ANKRD53: variants seen among roughly 807,000 people sequenced by gnomAD.
ANKRD53 encodes ankyrin repeat domain-containing protein 53.
ANKRD53 carries 27 observed loss-of-function variants against 30.1 expected under a neutral mutation model. The ratio of observed to expected loss-of-function variants is 0.90; its 90% CI spans 0.66 to 1.24. The LOEUF (loss-of-function observed/expected upper bound fraction) is 1.24, where lower values mean the gene tolerates loss of function less well. Ranked by LOEUF, ANKRD53 falls within the 50% of genes most tolerant of loss-of-function variation. The pLI is 0.00. For missense variants in ANKRD53, 682 were observed against 721.0 expected (o/e 0.95, Z 0.62); for synonymous variants, 286 against 295.4 (o/e 0.97, Z 0.33).
intron 5 of ANKRD53, among the ~76,000 whole-genome samples, chr2:70,983,028 C>T (rs1553423959): frequency 6.6e-6 from 1 of 152,222 alleles, no homozygotes; most frequent in Non-Finnish European, 1.5e-5. Flanking sequence ...GGGGCTCACA[C>T]TCTGGTTAAA....
At chr2:70,979,413 G>A (rs1669932539) in intron 2 of ANKRD53, 70 bp downstream of exon 2, 3 of 1,596,870 alleles carry the variant, frequency 1.9e-6, no homozygotes, top group Non-Finnish European at 2.6e-6. Context: ...TGGTCACCTG[G>A]AGAAGAGATA....
At position 70,979,160 on chromosome 2, in the gene ANKRD53, C is replaced by T. The variant is rs1669920520; in HGVS notation, c.234C>T (p.Arg78=). 2 of 1,611,142 alleles carry T rather than the reference C, an allele frequency of 1.2e-6. No individual in the cohort carries two copies. Among genetic ancestry groups the T allele is most frequent in the African/African-American group, 1.3e-5 (1 of 75,032 alleles). ...SAQATALARP[R]RPASLTPPRA... is the part of the protein sequence containing the mutation. ...AGGCGACTGCCCTCGCCAGGCCGCGCCGCCCTGCCTCGCTCACCCCGCCCC... is the reference window on the plus strand; with the variant it reads ...AGGCGACTGCCCTCGCCAGGCCGCGTCGCCCTGCCTCGCTCACCCCGCCCC... Residue 78 remains arginine, a synonymous_variant, in exon 2 of 6, where the codon CGC becomes CGT. Coordinates refer to ENST00000360589, the MANE Select transcript of ANKRD53 (RefSeq NM_001115116.2).
chr2:70,980,862 C>G (rs10183317), intron 3 of ANKRD53, among the ~76,000 whole-genome samples: 1 of 151,146 alleles, frequency 6.6e-6, no homozygotes, highest in African/African-American at 2.4e-5. Context: ...AGGAGAATGG[C>G]GTGAACCTGG....
At chr2:70,983,545 G>A (rs1670074658) in intron 5 of ANKRD53, among the ~76,000 whole-genome samples, 1 of 152,138 alleles carries the variant, frequency 6.6e-6, no homozygotes, top group Non-Finnish European at 1.5e-5. Context: ...AGGGCTTTGG[G>A]GCTGCTGACT....
At position 70,981,319 on chromosome 2, in the gene ANKRD53, C is replaced by G. The variant is rs114457165; in HGVS notation, c.618-617C>G. Among the ~76,000 whole-genome samples the G allele has an allele frequency of 6.7e-3, 1,021 of 152,006 alleles. 11 individuals are homozygous for G. The highest frequency in any genetic ancestry group is 0.027 in the Middle Eastern group (8 of 294). On this transcript the variant is annotated intron_variant, in intron 3 of 5. Transcript: ENST00000360589. ...TAGCAAACAAATAAATGAACAAAATCCTGACAGAGCATGGGAAGTGGTTAT... is the reference window on the plus strand; with the variant it reads ...TAGCAAACAAATAAATGAACAAAATGCTGACAGAGCATGGGAAGTGGTTAT...
chr2:70,981,607 G>A (rs900563046), intron 3 of ANKRD53, among the ~76,000 whole-genome samples: 5 of 152,194 alleles, frequency 3.3e-5, no homozygotes, highest in South Asian at 2.1e-4. Context: ...GTGGGCATAC[G>A]GAATCTGGTG....
Position 70,984,978 on chromosome 2 carries a change from T to C in ANKRD53, c.1271T>C (p.Leu424Pro), listed in dbSNP as rs1553424499. 2.6e-6 allele frequency: 4 copies of C among 1,549,998 alleles called. No individual in the cohort carries two copies. In the South Asian group the frequency reaches 4.8e-5, roughly 18 times the overall value. The change falls in exon 6 of 6, where the codon CTG (leucine) becomes CCG (proline). Residue 424 changes from leucine to proline, a missense_variant. By Grantham distance (98) the Leu-to-Pro change is moderately conservative. Transcript: ENST00000360589. ...CCGGAGCACGACTTCAGCAGCTTCCTGGAGGTGAGGCCTGATGGGCACGGC... is the reference window on the plus strand; with the variant it reads ...CCGGAGCACGACTTCAGCAGCTTCCCGGAGGTGAGGCCTGATGGGCACGGC... The part of the protein sequence containing the change: ...PTPEHDFSSF[L>P]EVRPDGHGGA...
chr2:70,983,751 G>A (rs1670081710), intron 5 of ANKRD53, among the ~76,000 whole-genome samples: 2 of 152,214 alleles, frequency 1.3e-5, no homozygotes, highest in South Asian at 4.1e-4. Context: ...TCGATCAAGT[G>A]TCCATTCTCG....
intron 5 of ANKRD53, chr2:70,983,975 A>C: frequency 1.5e-6 from 1 of 687,416 alleles, no homozygotes; most frequent in Non-Finnish European, 2.5e-6. Flanking sequence ...GGCTCCGTGG[A>C]GGCAAGGACA....
At position 70,979,732 on chromosome 2, in the gene ANKRD53, C is replaced by T. The variant is rs782478600; in HGVS notation, c.489C>T (p.Tyr163=). 1 of 1,614,236 alleles carries T rather than the reference C, an allele frequency of 6.2e-7. No homozygotes were observed. The highest frequency in any genetic ancestry group is 1.6e-4 in the Middle Eastern group (1 of 6,062). ...LACLQVLVEE[Y]KFPVDLLTNN... ...GCCTGCAGGTCCTGGTAGAGGAGTA[C>T]AAGTTTCCCGTGGACCTGCTGACCA... The change falls in exon 3 of 6, where the codon TAC becomes TAT. Residue 163 remains tyrosine (Y), a synonymous_variant. Coordinates refer to ENST00000360589, the MANE Select transcript of ANKRD53 (RefSeq NM_001115116.2).
intron 5 of ANKRD53, chr2:70,984,353 C>T (rs1291556004): frequency 6.3e-7 from 1 of 1,596,768 alleles, no homozygotes; most frequent in Admixed American, 1.8e-5. Flanking sequence ...TTGGAGATCC[C>T]CCCTTTGGGA....
At chr2:70,984,590 T>G in intron 5 of ANKRD53, 21 bp from the exon 6 acceptor site, 1 of 1,611,804 alleles carries the variant, frequency 6.2e-7, no homozygotes, top group Admixed American at 1.7e-5. Context: ...CATGACTCTC[T>G]TGTGCCCTCT....
chr2:70,978,584 G>T, upstream of ANKRD53: 1 of 1,420,798 alleles, frequency 7.0e-7, no homozygotes, highest in Non-Finnish European at 9.2e-7. This position sits in a 1 kb window ranked among gnomAD's most constrained non-coding sequence, Gnocchi z 4.3. Flanking sequence ...GGCCCCCGGG[G>T]GCGGGGCGCC....
Position 70,982,616 on chromosome 2 carries a change from C to G in ANKRD53, c.822C>G (p.Asp274Glu). The G allele has an allele frequency of 6.2e-7, 1 of 1,614,164 alleles. No homozygotes were observed. The highest frequency in any genetic ancestry group is 8.5e-7 in the Non-Finnish European group (1 of 1,180,028). ...CCATGTGGAAAAAGGACAAGAAGGACTTTGCCCGTGAGATGACGAAAATGA... is the reference window on the plus strand; with the variant it reads ...CCATGTGGAAAAAGGACAAGAAGGAGTTTGCCCGTGAGATGACGAAAATGA... ...KDAMWKKDKK[D>E]FAREMTKMKM... The change falls in exon 5 of 6, where the codon GAC becomes GAG. Residue 274 changes from aspartate to glutamate, a missense_variant. Coordinates refer to ENST00000360589, the MANE Select transcript of ANKRD53 (RefSeq NM_001115116.2). The surrounding 1 kb of genome is among the most constrained non-coding windows in gnomAD (Gnocchi z 4.2).
Position 70,978,785 on chromosome 2 carries a change from C to T in ANKRD53, c.140C>T (p.Thr47Ile). The T allele has an allele frequency of 6.4e-7, 1 of 1,571,772 alleles. No individual in the cohort carries two copies. Among genetic ancestry groups the T allele is most frequent in the Non-Finnish European group, 8.6e-7 (1 of 1,159,578 alleles). Residue 47 changes from threonine to isoleucine, a missense_variant, in exon 1 of 6, where the codon ACC (threonine) becomes ATC (isoleucine). Physicochemically the swap from Thr to Ile is moderately conservative, Grantham distance 89. Coordinates refer to ENST00000360589, the MANE Select transcript of ANKRD53 (RefSeq NM_001115116.2). The surrounding 1 kb of genome is among the most constrained non-coding windows in gnomAD (Gnocchi z 4.3). ...GCGAACAAAGTCTCCTTGAAGGCCA[C>T]CTGGACTGACGCGGAGTCCAAGCAG... is the stretch of plus-strand genomic sequence containing the variant. ...QQANKVSLKA[T>I]WTDAESKQPS... is the part of the protein sequence containing the mutation.
At chr2:70,984,451 G>A (rs1380415156) in intron 5 of ANKRD53, 160 bp from the exon 6 acceptor site, 2 of 985,286 alleles carry the variant, frequency 2.0e-6, no homozygotes, top group Non-Finnish European at 2.4e-6. Context: ...CATAAGGCAG[G>A]TGTTGCTTCC....
At chr2:70,979,060 T>A in intron 1 of ANKRD53, 37 bp from the exon 2 acceptor site, 1 of 1,524,376 alleles carries the variant, frequency 6.6e-7, no homozygotes, top group Non-Finnish European at 8.7e-7. Context: ...GCCCGGGCCG[T>A]GGCCCAGAGT....
intron 5 of ANKRD53, chr2:70,984,077 C>T (rs782107015): frequency 2.6e-6 from 4 of 1,560,754 alleles, no homozygotes; most frequent in African/African-American, 2.7e-5. Flanking sequence ...TTCCAAGAAG[C>T]GTGTCCACAT....
chr2:70,985,320 C>G lies in ANKRD53; in HGVS notation c.*20C>G, dbSNP rs985355704. The G allele has an allele frequency of 1.7e-5, 26 of 1,515,114 alleles. No individual in the cohort carries two copies. The Admixed American group carries it at 1.8e-4, about 11-fold the overall frequency. The allele number at this position is 1,515,114 out of a possible 1,614,324, so 93.9% of individuals were successfully genotyped here. Reference sequence around the variant, plus strand: ...CCATAAAGTTATTATGGCTACCTCTCCCCCTGAGGCAGCCCAGTGAAGGCT... The same window carrying G: ...CCATAAAGTTATTATGGCTACCTCTGCCCCTGAGGCAGCCCAGTGAAGGCT... On this transcript the variant is annotated 3_prime_UTR_variant, in exon 6 of 6. Transcript: ENST00000360589.
Sources: allele counts gnomAD v4.1 joint callset (sites outside exome capture counted in the v4.1 genomes callset), GRCh38; gene constraint gnomAD v4.1.1; non-coding constraint Gnocchi (gnomAD v3.1); transcripts MANE v1.5; gene names NCBI Gene and HGNC (gene_info 2026-07-23, HGNC 2026-07-21).